Variants in TRHDE observed in about 807,000 individuals in gnomAD.
TRHDE encodes thyrotropin releasing hormone degrading enzyme.
TRHDE carries 72 observed loss-of-function variants against 125.7 expected under a neutral mutation model. That is an observed-to-expected ratio of 0.57 (90% CI 0.47 to 0.70). The LOEUF (loss-of-function observed/expected upper bound fraction) is 0.70. TRHDE is among the 30% of genes least tolerant of loss of function. The pLI is 0.00. For synonymous variants in TRHDE, 509 were observed against 509.1 expected, an observed-to-expected ratio of 1.00 and a Z score of 0.00; for missense variants, 1,110 against 1,327.1, an observed-to-expected ratio of 0.84 and a Z score of 2.54.
intron 3 of TRHDE, among the ~76,000 whole-genome samples, chr12:72,426,412 A>G (rs958606110): frequency 1.3e-5 from 2 of 152,188 alleles, no homozygotes; most frequent in Non-Finnish European, 2.9e-5. Flanking sequence ...TTAATTATAT[A>G]GTACAACTGA....
chr12:72,416,092 A>T (rs1341080239), intron 3 of TRHDE, among the ~76,000 whole-genome samples: 1 of 151,690 alleles, frequency 6.6e-6, no homozygotes, highest in Non-Finnish European at 1.5e-5. Flanking sequence ...GTTTTTTTTA[A>T]CTTTGGTGAG....
chr12:72,541,936 C>T (rs1201226294), intron 6 of TRHDE, among the ~76,000 whole-genome samples: 1 of 151,224 alleles, frequency 6.6e-6, no homozygotes, highest in Non-Finnish European at 1.5e-5. Context: ...GTATCCTTCC[C>T]TGAGCAAATT....
chr12:72,323,095 C>T (rs566119471), intron 2 of TRHDE, among the ~76,000 whole-genome samples: 3 of 152,108 alleles, frequency 2.0e-5, no homozygotes, highest in South Asian at 4.2e-4. Flanking sequence ...TCATGTGGTT[C>T]CCTGTGATCT....
At chr12:72,387,843 T>C (rs1417215758) in intron 3 of TRHDE, among the ~76,000 whole-genome samples, 1 of 152,166 alleles carries the variant, frequency 6.6e-6, no homozygotes, top group African/African-American at 2.4e-5. Context: ...AAGATGTGCC[T>C]TTTGCCTTCT....
rs544233272 is a variant in TRHDE at position 72,329,484 on chromosome 12, A to G, written c.1188+42530A>G. 1.2e-3 allele frequency among the ~76,000 whole-genome samples: 178 copies of G among 152,340 alleles called. 2 individuals carry two copies. In the Middle Eastern group the frequency reaches 0.014, roughly 12 times the overall value. ...TTTTACCCCTCCATGTTGGTAATGC[A>G]ATAGCTTTTCTTACCGAGTCTTTAA... On this transcript the variant is annotated intron_variant, in intron 2 of 18. Transcript: ENST00000261180.
chr12:72,380,698 G>A (rs1005530462), intron 3 of TRHDE, among the ~76,000 whole-genome samples: 17 of 131,966 alleles, frequency 1.3e-4, no homozygotes, highest in African/African-American at 5.8e-4. Context: ...GCAGGCTGCA[G>A]CTTCCTTCCT....
At chr12:72,378,803 T>G (rs1872014561) in intron 3 of TRHDE, among the ~76,000 whole-genome samples, 1 of 152,152 alleles carries the variant, frequency 6.6e-6, no homozygotes, top group Non-Finnish European at 1.5e-5. Context: ...GAGAATGCAC[T>G]TGGTAATTGT....
intron 1 of TRHDE, among the ~76,000 whole-genome samples, chr12:72,275,077 C>T (rs1879431982): frequency 6.6e-6 from 1 of 152,240 alleles, no homozygotes. Flanking sequence ...CTCTCCTTTT[C>T]TCAGGTGATT....
At chr12:72,493,609 C>T (rs867514372) in intron 5 of TRHDE, among the ~76,000 whole-genome samples, 2 of 151,932 alleles carry the variant, frequency 1.3e-5, no homozygotes, top group African/African-American at 4.8e-5. Flanking sequence ...ATGTCACTTC[C>T]TAACACTAGC....
chr12:72,508,672 G>C (rs1014857704), intron 6 of TRHDE, among the ~76,000 whole-genome samples: 1 of 152,126 alleles, frequency 6.6e-6, no homozygotes, highest in African/African-American at 2.4e-5. Context: ...GTTAATGCTG[G>C]AATGAGTTAA....
chr12:72,217,790 GAAC>G (rs1036303066), intron 2 of TRHDE, among the ~76,000 whole-genome samples: 10 of 152,084 alleles, frequency 6.6e-5, no homozygotes, highest in African/African-American at 1.9e-4. Flanking sequence ...TCAGATTGCA[GAAC>G]AACAACCACC....
At chr12:72,450,198 C>A (rs1875503181) in intron 3 of TRHDE, among the ~76,000 whole-genome samples, 1 of 151,880 alleles carries the variant, frequency 6.6e-6, no homozygotes, top group African/African-American at 2.4e-5. Context: ...CTCTGAAATG[C>A]CTCTATATTT....
intron 12 of TRHDE, among the ~76,000 whole-genome samples, chr12:72,587,350 T>C (rs1460345521): frequency 6.6e-6 from 1 of 152,122 alleles, no homozygotes; most frequent in African/African-American, 2.4e-5. Context: ...CTTAGGAAAA[T>C]TTTTGTTTCA....
intron 2 of TRHDE, among the ~76,000 whole-genome samples, chr12:72,217,817 A>G (rs1375067153): frequency 2.0e-5 from 3 of 152,148 alleles, no homozygotes; most frequent in Admixed American, 2.0e-4. Context: ...GTTTTTTACT[A>G]TGTTTGATGG....
At chr12:72,262,782 C>T (rs1878980592) in intron 2 of TRHDE, 1 of 152,020 alleles carries the variant, frequency 6.6e-6, no homozygotes, top group South Asian at 2.1e-4. Context: ...TGAAAGAGAA[C>T]ATTAATAGCC....
At chr12:72,429,034 G>A (rs1874311261) in intron 3 of TRHDE, among the ~76,000 whole-genome samples, 2 of 152,124 alleles carry the variant, frequency 1.3e-5, no homozygotes, top group South Asian at 4.1e-4. Context: ...ATGAGCTTGT[G>A]TCCTTTGCAG....
intron 3 of TRHDE, among the ~76,000 whole-genome samples, chr12:72,422,664 A>AC (rs1217710561): frequency 2.5e-4 from 38 of 152,282 alleles, no homozygotes; most frequent in African/African-American, 9.1e-4. Flanking sequence ...TGTTTCTGTA[A>AC]CGTCTTCAGC....
In TRHDE at chr12:72,608,538, A is replaced by G. The variant is rs1872532318; in HGVS notation, c.2322-10353A>G. On this transcript the variant is annotated intron_variant, in intron 12 of 18. Transcript: ENST00000261180. ...GCTAAGAGTGTTCTCTGATTTATGTAGATTGGATGAAATGCTAAAGGAATC... is the reference window on the plus strand; with the variant it reads ...GCTAAGAGTGTTCTCTGATTTATGTGGATTGGATGAAATGCTAAAGGAATC... Among the ~76,000 whole-genome samples, 4 of 152,180 alleles carry G rather than the reference A, an allele frequency of 2.6e-5. No individual in the cohort carries two copies. The South Asian group carries it at 8.3e-4, about 31-fold the overall frequency.
intron 2 of TRHDE, chr12:72,140,387 A>T (rs1876085768): frequency 1.3e-5 from 2 of 150,414 alleles, no homozygotes; most frequent in African/African-American, 4.9e-5. Context: ...ATCCACCCCC[A>T]CCCCCGCTTC....
Sources: allele counts gnomAD v4.1 joint callset (sites outside exome capture counted in the v4.1 genomes callset), GRCh38; gene constraint gnomAD v4.1.1; transcripts MANE v1.5; gene names NCBI Gene and HGNC (gene_info 2026-07-23, HGNC 2026-07-21).